NOVA1: variants seen among roughly 807,000 people sequenced by gnomAD.
NOVA1 encodes the protein NOVA alternative splicing regulator 1.
Under a neutral mutation model 38.0 loss-of-function variants are expected in NOVA1, and 7 were observed. That is an observed-to-expected ratio of 0.18 (90% CI 0.10 to 0.35). NOVA1 has a LOEUF of 0.35. Ranked by LOEUF, NOVA1 falls within the 10% of genes least tolerant of loss-of-function variation. The pLI is 1.00. For synonymous variants in NOVA1, 270 were observed against 232.5 expected (o/e 1.16, Z -1.47); for missense variants, 460 against 616.0 (o/e 0.75, Z 2.68).
intron 4 of NOVA1, chr14:26,470,137 T>C (rs1346694908): frequency 1.5e-6 from 1 of 685,686 alleles, no homozygotes; most frequent in Admixed American, 5.4e-5. Context: ...GTATTTTTTA[T>C]TTTTGGTTTT....
chr14:26,481,206 T>C (rs1406870662), intron 2 of NOVA1, among the ~76,000 whole-genome samples: 1 of 152,056 alleles, frequency 6.6e-6, no homozygotes, highest in Non-Finnish European at 1.5e-5. Flanking sequence ...TTCCAAAAAA[T>C]GGGATTTTAA....
intron 2 of NOVA1, among the ~76,000 whole-genome samples, chr14:26,550,729 C>T (rs1256575264): frequency 6.6e-6 from 1 of 152,046 alleles, no homozygotes; most frequent in Non-Finnish European, 1.5e-5. Context: ...ATATTCACAC[C>T]TAGGTTTCTT....
At chr14:26,585,438 T>C (rs1893457882) in intron 2 of NOVA1, among the ~76,000 whole-genome samples, 1 of 151,256 alleles carries the variant, frequency 6.6e-6, no homozygotes, top group Admixed American at 6.6e-5. Context: ...CAAAGTCACA[T>C]GTTAACTTCC....
At chr14:26,479,535 T>C in intron 3 of NOVA1, 1 of 159,492 alleles carries the variant, frequency 6.3e-6, no homozygotes, top group African/African-American at 2.4e-5. Flanking sequence ...AATGAGAACA[T>C]GACAACAAAA....
intron 4 of NOVA1, among the ~76,000 whole-genome samples, chr14:26,452,197 T>C (rs1882742479): frequency 6.6e-6 from 1 of 152,218 alleles, no homozygotes; most frequent in South Asian, 2.1e-4. Context: ...CTGTCTTTTT[T>C]CTCTGAATAA....
intron 2 of NOVA1, among the ~76,000 whole-genome samples, chr14:26,589,237 G>A (rs1893703052): frequency 6.6e-6 from 1 of 151,576 alleles, no homozygotes; most frequent in African/African-American, 2.4e-5. Flanking sequence ...CTATTTAAGG[G>A]CTGATTAATG....
At chr14:26,579,024 A>AT (rs78974592) in intron 2 of NOVA1, among the ~76,000 whole-genome samples, 87 of 67,914 alleles carry the variant, frequency 1.3e-3, no homozygotes, top group Non-Finnish European at 1.9e-3. Context: ...CAGTTTCTTT[A>AT]TTTTTTTTTT....
intron 2 of NOVA1, among the ~76,000 whole-genome samples, chr14:26,585,812 T>C (rs911154487): frequency 6.6e-6 from 1 of 151,280 alleles, no homozygotes; most frequent in Non-Finnish European, 1.5e-5. Context: ...AAAATTCCCG[T>C]CATACTCCAC....
chr14:26,577,658 A>G (rs1892946469), intron 2 of NOVA1, among the ~76,000 whole-genome samples: 2 of 152,306 alleles, frequency 1.3e-5, no homozygotes, highest in East Asian at 1.9e-4. Context: ...GAAGTTCAAC[A>G]GAAAGAGAGA....
chr14:26,544,503 CTA>C (rs952444781), intron 2 of NOVA1, among the ~76,000 whole-genome samples: 1 of 151,762 alleles, frequency 6.6e-6, no homozygotes, highest in Non-Finnish European at 1.5e-5. Flanking sequence ...ATGCAACAGC[CTA>C]CTAGCTGACC....
chr14:26,570,769 T>C (rs997281740), intron 2 of NOVA1, among the ~76,000 whole-genome samples: 2 of 152,156 alleles, frequency 1.3e-5, no homozygotes, highest in Non-Finnish European at 2.9e-5. Flanking sequence ...TACTGTAATA[T>C]GCTGAAGCAG....
chr14:26,470,975 G>C (rs1447784587), intron 4 of NOVA1, among the ~76,000 whole-genome samples: 1 of 152,056 alleles, frequency 6.6e-6, no homozygotes, highest in Non-Finnish European at 1.5e-5. Flanking sequence ...GGTATGTAGA[G>C]TAAAAATGTA....
chr14:26,586,374 T>C (rs1428021495), intron 2 of NOVA1, among the ~76,000 whole-genome samples: 1 of 151,238 alleles, frequency 6.6e-6, no homozygotes, highest in Non-Finnish European at 1.5e-5. Flanking sequence ...TACTGGACAA[T>C]ACAGCTACAT....
intron 2 of NOVA1, among the ~76,000 whole-genome samples, chr14:26,526,597 C>G (rs1189626134): frequency 6.6e-6 from 1 of 151,910 alleles, no homozygotes; most frequent in Non-Finnish European, 1.5e-5. Flanking sequence ...AATATACTCA[C>G]TTTATCAGCA....
chr14:26,546,412 T>G (rs945616979), intron 2 of NOVA1, among the ~76,000 whole-genome samples: 5 of 152,140 alleles, frequency 3.3e-5, no homozygotes, highest in Admixed American at 2.0e-4. Flanking sequence ...TAAAAAATTA[T>G]CTATTTGAGA....
At chr14:26,467,993 A>G (rs1884277562) in intron 4 of NOVA1, among the ~76,000 whole-genome samples, 1 of 152,140 alleles carries the variant, frequency 6.6e-6, no homozygotes, top group Non-Finnish European at 1.5e-5. Context: ...CTTGAGTGTG[A>G]GTGGGACACA....
intron 2 of NOVA1, among the ~76,000 whole-genome samples, chr14:26,486,363 A>T (rs2138329367): frequency 6.6e-6 from 1 of 152,220 alleles, no homozygotes; most frequent in Non-Finnish European, 1.5e-5. Context: ...AGTCCTCAGC[A>T]ACCTAATAAT....
chr14:26,507,283 A>T (rs1887710626), intron 2 of NOVA1, among the ~76,000 whole-genome samples: 1 of 151,810 alleles, frequency 6.6e-6, no homozygotes, highest in African/African-American at 2.4e-5. Context: ...TAAAAAAAAA[A>T]AATAATGTCA....
At chr14:26,449,432 A>G (rs1251915143) in intron 4 of NOVA1, among the ~76,000 whole-genome samples, 1 of 152,144 alleles carries the variant, frequency 6.6e-6, no homozygotes, top group Non-Finnish European at 1.5e-5. Context: ...AGGAAAGTTC[A>G]AGCCTGAGTC....
Sources: allele counts gnomAD v4.1 joint callset (sites outside exome capture counted in the v4.1 genomes callset), GRCh38; gene constraint gnomAD v4.1.1; transcripts MANE v1.5; gene names NCBI Gene and HGNC (gene_info 2026-07-23, HGNC 2026-07-21).